The following MAGI2 variants were observed in gnomAD, a reference collection of about 807,000 sequenced individuals.
MAGI2 encodes the protein membrane associated guanylate kinase, WW and PDZ domain containing 2, also known as membrane-associated guanylate kinase, WW and PDZ domain-containing protein 2.
A neutral mutation model predicts 133.3 loss-of-function variants in MAGI2; 35 were observed. The observed-to-expected ratio is 0.26, with a 90% CI of 0.20 to 0.35. The LOEUF (loss-of-function observed/expected upper bound fraction) is 0.35. MAGI2 is among the 10% of genes least tolerant of loss of function. The pLI, the probability that MAGI2 is intolerant of heterozygous loss-of-function variation, is 1.00. For synonymous variants in MAGI2, 729 were observed against 710.6 expected (o/e 1.03, Z -0.41); for missense variants, 1,636 against 1,863.4 (o/e 0.88, Z 2.25).
intron 9 of MAGI2, among the ~76,000 whole-genome samples, chr7:78,332,697 CAAA>C (rs35777998): frequency 0.64 from 74,546 of 116,008 alleles, 22,769 homozygotes; most frequent in East Asian, 0.81. Flanking sequence ...GACTCCGTCT[CAAA>C]AAAAAAAAAA....
chr7:78,498,295 G>A (rs1794309830), intron 5 of MAGI2, among the ~76,000 whole-genome samples: 1 of 152,134 alleles, frequency 6.6e-6, no homozygotes, highest in Non-Finnish European at 1.5e-5. Context: ...GACACATGGT[G>A]GCTTTGTCCT....
rs181527625 is a variant in MAGI2, at chr7:78,389,844, G to T, written c.1046-20631C>A. On this transcript the variant is annotated intron_variant, in intron 6 of 21. Coordinates refer to ENST00000354212, the MANE Select transcript of MAGI2 (RefSeq NM_012301.4). ...GTCAGAAAAGCACATGTGGATTAAA[G>T]AAAATGTTTTAGTAAAAACTATGAG... 2.0e-3 allele frequency among the ~76,000 whole-genome samples: 299 copies of T among 152,260 alleles called. 1 individual carries two copies. The highest frequency in any genetic ancestry group is 3.8e-3 in the Non-Finnish European group (257 of 67,996).
At chr7:78,329,009 T>A (rs963907564) in intron 9 of MAGI2, among the ~76,000 whole-genome samples, 3 of 152,164 alleles carry the variant, frequency 2.0e-5, no homozygotes, top group Non-Finnish European at 2.9e-5. Flanking sequence ...CGTAGTAGAA[T>A]TTTTTTCCCT....
intron 7 of MAGI2, among the ~76,000 whole-genome samples, chr7:78,348,066 C>G (rs1005200587): frequency 6.6e-6 from 1 of 152,176 alleles, no homozygotes; most frequent in Non-Finnish European, 1.5e-5. Flanking sequence ...TGATTTTGCC[C>G]TCACTCATTT....
chr7:79,066,289 T>TG (rs1432591490), intron 1 of MAGI2, among the ~76,000 whole-genome samples: 1 of 151,466 alleles, frequency 6.6e-6, no homozygotes, highest in African/African-American at 2.4e-5. Context: ...TGTGGTGTTT[T>TG]TTTTTTTTTT....
chr7:79,254,020 G>A (rs936097041), intron 1 of MAGI2, among the ~76,000 whole-genome samples: 4 of 150,400 alleles, frequency 2.7e-5, no homozygotes, highest in African/African-American at 7.3e-5. Flanking sequence ...AACAAAAAAG[G>A]TTACTGTTAA....
At chr7:78,746,025 C>T (rs1333186576) in intron 2 of MAGI2, among the ~76,000 whole-genome samples, 4 of 152,302 alleles carry the variant, frequency 2.6e-5, no homozygotes, top group Non-Finnish European at 1.5e-5. Context: ...ACCATCTGAG[C>T]TCAGCTAGGC....
chr7:79,452,337 G>C (rs534817552), intron 1 of MAGI2, among the ~76,000 whole-genome samples: 2 of 152,330 alleles, frequency 1.3e-5, no homozygotes, highest in African/African-American at 4.8e-5. Flanking sequence ...GTGAGCGCAG[G>C]GGTTAGTCAG....
At chr7:78,612,339 AAAT>A (rs1408785571) in intron 3 of MAGI2, among the ~76,000 whole-genome samples, 1 of 152,174 alleles carries the variant, frequency 6.6e-6, no homozygotes, top group Non-Finnish European at 1.5e-5. Flanking sequence ...AGAATTAAAT[AAAT>A]AATAATTATA....
rs1041766655 is a variant in MAGI2 at position 78,639,435 on chromosome 7, G to A, written c.419-12196C>T. ...AGAGAGGGAGGAGTGAAATATTAAT[G>A]AGTACCCACTAGGAGCTTTGGATGA... is the stretch of plus-strand genomic sequence containing the variant. On this transcript the variant is annotated intron_variant, in intron 2 of 21. Coordinates refer to ENST00000354212, the MANE Select transcript of MAGI2 (RefSeq NM_012301.4). Among the ~76,000 whole-genome samples, 4 of 152,114 alleles carry A rather than the reference G, an allele frequency of 2.6e-5. No individual in the cohort carries two copies. The East Asian group carries it at 5.8e-4, about 22-fold the overall frequency.
intron 2 of MAGI2, among the ~76,000 whole-genome samples, chr7:78,974,108 C>T (rs548519837): frequency 6.6e-6 from 1 of 151,698 alleles, no homozygotes; most frequent in South Asian, 2.1e-4. Context: ...GAAATGAATT[C>T]TACATGTGTT....
chr7:78,062,367 C>T (rs1023697143), intron 21 of MAGI2, among the ~76,000 whole-genome samples: 1 of 152,198 alleles, frequency 6.6e-6, no homozygotes, highest in East Asian at 1.9e-4. Flanking sequence ...ACTTCCCACC[C>T]ACAATCCACA....
intron 2 of MAGI2, among the ~76,000 whole-genome samples, chr7:78,838,252 T>A (rs746463531): frequency 3.9e-5 from 6 of 152,092 alleles, no homozygotes; most frequent in Non-Finnish European, 7.4e-5. Flanking sequence ...ATGTAAATCC[T>A]AAAAGACAGA....
At chr7:78,489,707 C>T (rs1793414623) in intron 6 of MAGI2, 54 bp downstream of exon 6, 6 of 1,346,950 alleles carry the variant, frequency 4.5e-6, no homozygotes, top group Non-Finnish European at 6.3e-6. Context: ...ATTTAAGAAA[C>T]ACAAACATTC....
At chr7:78,935,063 A>C (rs1389286408) in intron 2 of MAGI2, among the ~76,000 whole-genome samples, 1 of 152,172 alleles carries the variant, frequency 6.6e-6, no homozygotes, top group Non-Finnish European at 1.5e-5. Flanking sequence ...TGAGTAAATA[A>C]TTACCTGTTG....
chr7:78,818,461 A>C (rs1463685343), intron 2 of MAGI2, among the ~76,000 whole-genome samples: 3 of 152,150 alleles, frequency 2.0e-5, no homozygotes, highest in Admixed American at 2.0e-4. Flanking sequence ...TACTTATGCT[A>C]TTTATGTGAG....
chr7:78,577,315 A>AAAC (rs1012540816), intron 3 of MAGI2, among the ~76,000 whole-genome samples: 5 of 152,220 alleles, frequency 3.3e-5, no homozygotes, highest in Non-Finnish European at 7.3e-5. Flanking sequence ...TCAAAAATGA[A>AAAC]AACAACAACA....
intron 2 of MAGI2, among the ~76,000 whole-genome samples, chr7:78,666,258 C>T (rs74699845): frequency 0.015 from 2,335 of 152,020 alleles, 67 homozygotes; most frequent in African/African-American, 0.053. Flanking sequence ...ATTTTAGCAA[C>T]GCAAATATGG....
At chr7:78,485,498 A>G (rs770003681) in intron 6 of MAGI2, 7 of 152,008 alleles carry the variant, frequency 4.6e-5, no homozygotes, top group Non-Finnish European at 8.8e-5. Context: ...TGCTTGTTTA[A>G]TATATATTTG....
Sources: gnomAD v4.1 joint callset for allele counts (sites outside exome capture counted in the v4.1 genomes callset) on GRCh38, gnomAD v4.1.1 for gene constraint, MANE v1.5 for transcripts, NCBI Gene and HGNC (gene_info 2026-07-23, HGNC 2026-07-21) for gene names.